The following RUNX1 variants were observed in gnomAD, a reference collection of about 807,000 sequenced individuals.
The protein encoded by RUNX1 is runt-related transcription factor 1.
Under a neutral mutation model 42.8 loss-of-function variants are expected in RUNX1, and 19 were observed. That is an observed-to-expected ratio of 0.44 (90% CI 0.31 to 0.65). The LOEUF is 0.65. Among genes scored for constraint, RUNX1 ranks in the 30% least tolerant of loss-of-function variants. The pLI, the probability that RUNX1 is intolerant of heterozygous loss-of-function variation, is 0.07. For missense variants in RUNX1, 528 were observed against 672.0 expected (o/e 0.79, Z 2.37); for synonymous variants, 271 against 289.4 (o/e 0.94, Z 0.64).
Position 34,789,126 on chromosome 21 carries a change from C to G in RUNX1, c.*3009G>C, listed in dbSNP as rs191597531. The stretch of plus-strand genomic sequence containing the variant: ...AGATCCAATATGGTTGGCAATGTCT[C>G]TGTTCTGCTGGAAGAAACCCATAAA... On this transcript the variant is annotated 3_prime_UTR_variant, in exon 9 of 9. Coordinates refer to ENST00000675419, the MANE Select transcript of RUNX1 (RefSeq NM_001754.5). 1 of 233,218 alleles carries G rather than the reference C, an allele frequency of 4.3e-6. No individual in the cohort carries two copies. Among genetic ancestry groups the G allele is most frequent in the Non-Finnish European group, 8.5e-6 (1 of 118,104 alleles). 14.4% of individuals were successfully genotyped at this position (233,218 alleles called of 1,614,324 possible).
chr21:34,841,483 C>G (rs933831762), intron 6 of RUNX1, among the ~76,000 whole-genome samples: 1 of 152,140 alleles, frequency 6.6e-6, no homozygotes, highest in African/African-American at 2.4e-5. Context: ...GAACCATGGT[C>G]CTACAGTGGC....
intron 2 of RUNX1, among the ~76,000 whole-genome samples, chr21:34,960,436 T>A (rs951031137): frequency 6.6e-6 from 1 of 152,166 alleles, no homozygotes; most frequent in African/African-American, 2.4e-5. Context: ...GGAAGAGCCA[T>A]GGATGGAAGA....
At position 34,794,825 on chromosome 21, in the gene RUNX1, G is replaced by A. The variant is rs533800947; in HGVS notation, c.968-2215C>T. Among the ~76,000 whole-genome samples the A allele has an allele frequency of 1.4e-4, 21 of 152,328 alleles. No individual in the cohort carries two copies. The South Asian group carries it at 4.3e-3, about 32-fold the overall frequency. ...GGCTGTCTCGTTCATCGTAGGATGT[G>A]TGGCAGCATCTCTGCTTTACCCATT... On this transcript the variant is annotated intron_variant, in intron 8 of 8. Coordinates refer to ENST00000675419, the MANE Select transcript of RUNX1 (RefSeq NM_001754.5).
chr21:34,866,969 C>A (rs1318933186), intron 5 of RUNX1, among the ~76,000 whole-genome samples: 1 of 152,224 alleles, frequency 6.6e-6, no homozygotes, highest in East Asian at 1.9e-4. Context: ...TGAAAAATAG[C>A]TGTTTTACTT....
chr21:34,985,202 A>T (rs2058876203), intron 2 of RUNX1, among the ~76,000 whole-genome samples: 5 of 152,226 alleles, frequency 3.3e-5, no homozygotes, highest in Admixed American at 1.3e-4. Context: ...TTGATATTAG[A>T]TTGATGGGTC....
At chr21:34,849,686 C>T (rs958523250) in intron 6 of RUNX1, among the ~76,000 whole-genome samples, 2 of 149,296 alleles carry the variant, frequency 1.3e-5, no homozygotes, top group Non-Finnish European at 3.0e-5. Context: ...GATAATATAG[C>T]CATAATGTAC....
At position 34,791,153 on chromosome 21, in the gene RUNX1, T is replaced by G. The variant is rs551634227; in HGVS notation, c.*982A>C. On this transcript the variant is annotated 3_prime_UTR_variant, in exon 9 of 9. Transcript: ENST00000675419. ...TGCGTGAGCTACTCACTTGTTTGAT[T>G]AACATGAAAGGGAGTTTAATGTAAA... The G allele has an allele frequency of 8.6e-6, 2 of 233,558 alleles. No homozygotes were observed. The highest frequency in any genetic ancestry group is 1.7e-5 in the Non-Finnish European group (2 of 118,032). The allele number at this position is 233,558 out of a possible 1,614,324, so 14.5% of individuals were successfully genotyped here.
chr21:34,981,619 G>A (rs2058846989), intron 2 of RUNX1, among the ~76,000 whole-genome samples: 1 of 152,108 alleles, frequency 6.6e-6, no homozygotes, highest in Admixed American at 6.5e-5. Context: ...ACAAATATTT[G>A]GATCCACATG....
At chr21:34,995,384 A>G (rs1241849010) in intron 2 of RUNX1, among the ~76,000 whole-genome samples, 1 of 150,232 alleles carries the variant, frequency 6.7e-6, no homozygotes, top group Admixed American at 6.6e-5. Flanking sequence ...AAGTATGACA[A>G]CTCTGTTGAG....
rs927292215 is a variant in RUNX1 at position 34,791,758 on chromosome 21, A to G, written c.*377T>C. 4.4e-5 allele frequency: 10 copies of G among 228,108 alleles called. No homozygotes were observed. Among genetic ancestry groups the G allele is most frequent in the African/African-American group, 1.8e-4 (8 of 44,994 alleles). The allele number at this position is 228,108 out of a possible 1,614,324, so 14.1% of individuals were successfully genotyped here. On this transcript the variant is annotated 3_prime_UTR_variant, in exon 9 of 9. Coordinates refer to ENST00000675419, the MANE Select transcript of RUNX1 (RefSeq NM_001754.5). ...ACAACTTGGTTAAAAAGTTAAGTCA[A>G]GGGTATAAAATCTTTCTTTTTATTC...
At chr21:34,967,319 CAAAAAAAAAAAAAAAAAAAA>C (rs398036394) in intron 2 of RUNX1, among the ~76,000 whole-genome samples, 6 of 15,632 alleles carry the variant, frequency 3.8e-4, no homozygotes, top group South Asian at 3.5e-3. Context: ...GACTCGGTCT[CAAAAAAAAAAAAAAAAAAAA>C]AAAAAAAAAA....
At position 34,791,111 on chromosome 21, in the gene RUNX1, C is replaced by T. The variant is rs527701964; in HGVS notation, c.*1024G>A. 2.8e-4 allele frequency: 65 copies of T among 233,616 alleles called. No homozygotes were observed. Among genetic ancestry groups the T allele is most frequent in the African/African-American group, 1.4e-3 (62 of 45,456 alleles). The allele number at this position is 233,616 out of a possible 1,614,324, so 14.5% of individuals were successfully genotyped here. A position where few individuals can be genotyped will look rare whatever the true frequency, so the allele number is the denominator to read the frequency against. On this transcript the variant is annotated 3_prime_UTR_variant, in exon 9 of 9. Coordinates refer to ENST00000675419, the MANE Select transcript of RUNX1 (RefSeq NM_001754.5). ...GGAGTGACCCTCAGTGTCTAAAAAT[C>T]CTATTAAAAACGTTGCTGCGTGAGC... is the stretch of plus-strand genomic sequence containing the variant.
At chr21:34,987,255 G>A (rs188781920) in intron 2 of RUNX1, among the ~76,000 whole-genome samples, 83 of 152,314 alleles carry the variant, frequency 5.4e-4, no homozygotes, top group East Asian at 1.7e-3. Context: ...CGCTTCGTCC[G>A]CCTTGTGGCC....
At chr21:34,845,016 C>A (rs977438315) in intron 6 of RUNX1, among the ~76,000 whole-genome samples, 1 of 152,230 alleles carries the variant, frequency 6.6e-6, no homozygotes, top group African/African-American at 2.4e-5. Context: ...GTCATGACAG[C>A]CTCATTCAGG....
intron 6 of RUNX1, chr21:34,856,176 C>A (rs549778255): frequency 5.5e-6 from 2 of 361,110 alleles, no homozygotes; most frequent in South Asian, 4.2e-5. Context: ...GAAAAACAGA[C>A]GAGCTGTGGC....
chr21:34,838,111 C>T (rs953400361), intron 6 of RUNX1, among the ~76,000 whole-genome samples: 4 of 152,076 alleles, frequency 2.6e-5, no homozygotes, highest in Non-Finnish European at 5.9e-5. Context: ...TATTTTGTGA[C>T]GGATAGTGAG....
At chr21:34,886,811 C>T (rs201991952) in intron 4 of RUNX1, 32 bp downstream of exon 4, 2 of 1,611,770 alleles carry the variant, frequency 1.2e-6, no homozygotes, top group African/African-American at 2.7e-5. Context: ...CGGCCTCCGC[C>T]TGTCCTCCCA....
At chr21:34,793,543 A>C (rs1240343786) in intron 8 of RUNX1, among the ~76,000 whole-genome samples, 1 of 152,074 alleles carries the variant, frequency 6.6e-6, no homozygotes, top group East Asian at 1.9e-4. Flanking sequence ...ATACTTCCTG[A>C]CCTGTTAAAA....
At chr21:34,998,759 T>C (rs1310491383) in intron 2 of RUNX1, among the ~76,000 whole-genome samples, 2 of 152,140 alleles carry the variant, frequency 1.3e-5, no homozygotes, top group South Asian at 2.1e-4. Context: ...GCCAGGATGG[T>C]CTCAGTCTCC....
Sources: gnomAD v4.1 joint callset for allele counts (sites outside exome capture counted in the v4.1 genomes callset) on GRCh38, gnomAD v4.1.1 for gene constraint, MANE v1.5 for transcripts, NCBI Gene and HGNC (gene_info 2026-07-23, HGNC 2026-07-21) for gene names.